ITGAV: variants seen among roughly 807,000 people sequenced by gnomAD.
The protein encoded by ITGAV is integrin subunit alpha V.
In ITGAV, 76 loss-of-function variants were observed where a neutral mutation model predicts 143.8. The ratio of observed to expected loss-of-function variants is 0.53; its 90% confidence interval spans 0.44 to 0.64. ITGAV has a LOEUF of 0.64. ITGAV is among the 30% of genes least tolerant of loss of function. ITGAV has a pLI of 0.00. For missense variants in ITGAV, 1,193 were observed against 1,274.7 expected, an observed-to-expected ratio of 0.94 and a Z score of 0.98; for synonymous variants, 453 against 446.7, an observed-to-expected ratio of 1.01 and a Z score of -0.18.
At chr2:186,617,367 G>A (rs1559044566) in intron 2 of ITGAV, among the ~76,000 whole-genome samples, 1 of 152,166 alleles carries the variant, frequency 6.6e-6, no homozygotes, top group East Asian at 1.9e-4. Context: ...CAATGCCTTT[G>A]GAAACACCGG....
chr2:186,604,754 G>A (rs1687010255), intron 2 of ITGAV, among the ~76,000 whole-genome samples: 1 of 152,134 alleles, frequency 6.6e-6, no homozygotes, highest in Non-Finnish European at 1.5e-5. Context: ...TAAGCCTTCA[G>A]TATCCCTTTT....
Position 186,590,507 on chromosome 2 carries a change from G to A in ITGAV, c.169G>A (p.Val57Met), listed in dbSNP as rs1375618100. 1.2e-6 allele frequency: 2 copies of A among 1,610,504 alleles called. No individual in the cohort carries two copies. The highest frequency in any genetic ancestry group is 1.7e-6 in the Non-Finnish European group (2 of 1,178,808). The change falls in exon 1 of 30, where the codon GTG (valine) becomes ATG (methionine). Residue 57 changes from valine (V) to methionine (M), a missense_variant. Transcript: ENST00000261023. ...SYFGFAVDFF[V>M]PSASSRMFLL... ...CTTCGGCTTCGCCGTGGATTTCTTC[G>A]TGCCCAGCGCGTCTTCGTAAGTGGC...
intron 12 of ITGAV, among the ~76,000 whole-genome samples, chr2:186,642,228 A>G (rs1415228616): frequency 6.6e-6 from 1 of 152,198 alleles, no homozygotes; most frequent in Non-Finnish European, 1.5e-5. Context: ...CAAATTACCA[A>G]GATTTTTTTT....
At chr2:186,661,190 A>G (rs910076378) in intron 18 of ITGAV, among the ~76,000 whole-genome samples, 3 of 152,208 alleles carry the variant, frequency 2.0e-5, no homozygotes, top group South Asian at 4.1e-4. Flanking sequence ...AATGTATTAT[A>G]TACTTTTAAC....
At position 186,663,692 on chromosome 2, in the gene ITGAV, A is replaced by G. The variant is rs538819629; in HGVS notation, c.1858-76A>G. On this transcript the variant is annotated intron_variant, in intron 18 of 29. Transcript: ENST00000261023. Reference sequence around the variant, plus strand: ...CATGTGTACATATAGGCTTAACCACATAGATATTGATAAACACTGCTTATG... The same window carrying G: ...CATGTGTACATATAGGCTTAACCACGTAGATATTGATAAACACTGCTTATG... 5 of 999,136 alleles carry G rather than the reference A, an allele frequency of 5.0e-6. No homozygotes were observed. In the African/African-American group the frequency reaches 6.4e-5, roughly 13 times the overall value. 61.9% of individuals were successfully genotyped at this position (999,136 alleles called of 1,614,324 possible). A position where few individuals can be genotyped will look rare whatever the true frequency, so the allele number is the denominator to read the frequency against.
intron 19 of ITGAV, among the ~76,000 whole-genome samples, chr2:186,664,076 T>C (rs1331455893): frequency 6.6e-6 from 1 of 152,160 alleles, no homozygotes; most frequent in Non-Finnish European, 1.5e-5. Context: ...CAAAATAATA[T>C]TGTATCATTT....
intron 18 of ITGAV, chr2:186,660,706 A>G (rs1688721929): frequency 6.6e-6 from 1 of 152,174 alleles, no homozygotes; most frequent in African/African-American, 2.4e-5. Context: ...AAATATATCT[A>G]TATTAGTTTT....
rs148476164 is a variant in ITGAV at position 186,618,911 on chromosome 2, C to T, written c.317-3428C>T. On this transcript the variant is annotated intron_variant, in intron 2 of 29. Coordinates refer to ENST00000261023, the MANE Select transcript of ITGAV (RefSeq NM_002210.5). ...GCAATCCCACTACTAGGCATTTATC[C>T]AAAGGAAAGGAAATCAGTATATCAA... 3.9e-3 allele frequency among the ~76,000 whole-genome samples: 593 copies of T among 152,050 alleles called. 4 individuals are homozygous for T. The Middle Eastern group carries it at 0.048, about 12-fold the overall frequency.
chr2:186,647,562 ATTATT>A (rs1688298200), intron 13 of ITGAV, among the ~76,000 whole-genome samples: 1 of 152,000 alleles, frequency 6.6e-6, no homozygotes, highest in African/African-American at 2.4e-5. Flanking sequence ...TTTCAAGTAT[ATTATT>A]TTATTTAATT....
chr2:186,648,083 C>T (rs1175567779), intron 13 of ITGAV, among the ~76,000 whole-genome samples: 2 of 152,192 alleles, frequency 1.3e-5, no homozygotes, highest in East Asian at 3.9e-4. Context: ...AGAAACATTT[C>T]TTTATTATTC....
At chr2:186,605,175 A>T (rs1373001719) in intron 2 of ITGAV, among the ~76,000 whole-genome samples, 1 of 152,130 alleles carries the variant, frequency 6.6e-6, no homozygotes, top group Admixed American at 6.5e-5. Flanking sequence ...AGGTGTAGAG[A>T]GCCACGTGAC....
At position 186,624,267 on chromosome 2, in the gene ITGAV, G is replaced by A. The variant is rs189654221; in HGVS notation, c.409-1206G>A. On this transcript the variant is annotated intron_variant, in intron 3 of 29. Coordinates refer to ENST00000261023, the MANE Select transcript of ITGAV (RefSeq NM_002210.5). ...TCACTCAGATTTCAGAGACTGCTCC[G>A]CCTATTTTAATTATTTACGTAGTAT... is the stretch of plus-strand genomic sequence containing the variant. Among the ~76,000 whole-genome samples, 495 of 152,128 alleles carry A rather than the reference G, an allele frequency of 3.3e-3. 7 individuals carry two copies. Among genetic ancestry groups the A allele is most frequent in the African/African-American group, 0.011 (472 of 41,492 alleles).
rs56249746 is a variant in ITGAV at position 186,656,987 on chromosome 2, AACACACACAC to A, written c.1719+614_1719+623del. On this transcript the variant is annotated intron_variant, in intron 17 of 29. Transcript: ENST00000261023. The stretch of plus-strand genomic sequence containing the variant: ...AGTTTGATCAAATATGAATTCATTA[AACACACACAC>A]ACACACACACACACACACACACACA... Among the ~76,000 whole-genome samples, 321 of 139,420 alleles carry A rather than the reference AACACACACAC, an allele frequency of 2.3e-3. 8 individuals are homozygous for A. In the South Asian group the frequency reaches 0.063, roughly 27 times the overall value. The allele number at this position is 139,420 out of a possible 152,430, so 91.5% of individuals were successfully genotyped here. A position where few individuals can be genotyped will look rare whatever the true frequency, so the allele number is the denominator to read the frequency against.
intron 14 of ITGAV, 131 bp downstream of exon 14, chr2:186,650,016 G>A (rs1171104841): frequency 3.5e-6 from 2 of 579,660 alleles, no homozygotes; most frequent in Non-Finnish European, 5.9e-6. Flanking sequence ...TTCTATTCAT[G>A]ATTTGCTATG....
intron 2 of ITGAV, among the ~76,000 whole-genome samples, chr2:186,621,995 C>T (rs1005115081): frequency 1.3e-5 from 2 of 151,926 alleles, no homozygotes; most frequent in East Asian, 3.9e-4. Context: ...TATGCCCCAC[C>T]GAAAGATCTT....
intron 3 of ITGAV, among the ~76,000 whole-genome samples, chr2:186,625,128 C>T (rs570487711): frequency 3.9e-4 from 59 of 152,128 alleles, no homozygotes; most frequent in African/African-American, 1.4e-3. Flanking sequence ...TCACAATTAG[C>T]GCTTTGGGAG....
intron 13 of ITGAV, among the ~76,000 whole-genome samples, chr2:186,647,311 T>C (rs961576453): frequency 6.6e-6 from 1 of 151,622 alleles, no homozygotes; most frequent in African/African-American, 2.4e-5. Context: ...TCTTGGCTCA[T>C]TGCAGCCTCC....
Position 186,641,468 on chromosome 2 carries a change from G to A in ITGAV, c.1039G>A (p.Val347Met), listed in dbSNP as rs2105711452. 1 of 1,614,182 alleles carries A rather than the reference G, an allele frequency of 6.2e-7. No homozygotes were observed. Among genetic ancestry groups the A allele is most frequent in the South Asian group, 1.1e-5 (1 of 91,080 alleles). The stretch of plus-strand genomic sequence containing the variant: ...ACTCCAAGAGGTGGGGCAGGTCTCA[G>A]TGTCTCTACAGAGAGCTTCAGGAGA... ...GKLQEVGQVSVSLQRASGDFQ... is the reference protein window; with the variant it reads ...GKLQEVGQVSMSLQRASGDFQ... The change falls in exon 12 of 30, where the codon GTG becomes ATG. Residue 347 changes from valine (V) to methionine (M), a missense_variant. Val to Met is a conservative substitution (Grantham distance 21). Transcript: ENST00000261023.
At chr2:186,609,278 C>T (rs967632957) in intron 2 of ITGAV, among the ~76,000 whole-genome samples, 1 of 152,228 alleles carries the variant, frequency 6.6e-6, no homozygotes, top group Admixed American at 6.5e-5. Context: ...AGTGACGTCC[C>T]TGGATGTTAG....
Sources: gnomAD v4.1 joint callset for allele counts (sites outside exome capture counted in the v4.1 genomes callset) on GRCh38, gnomAD v4.1.1 for gene constraint, MANE v1.5 for transcripts, NCBI Gene and HGNC (gene_info 2026-07-23, HGNC 2026-07-21) for gene names.